The following DMD variants were observed in gnomAD, a reference collection of about 807,000 sequenced individuals.
DMD encodes the protein mutant dystrophin.
In DMD, 63 loss-of-function variants were observed where a neutral mutation model predicts 330.1. That is an observed-to-expected ratio of 0.19 (90% CI 0.16 to 0.24). The LOEUF (loss-of-function observed/expected upper bound fraction) is 0.24, where lower values mean the gene tolerates loss of function less well. DMD is among the 10% of genes least tolerant of loss of function. The pLI, the probability that DMD is intolerant of heterozygous loss-of-function variation, is 1.00. For missense variants in DMD, 3,344 were observed against 2,684.1 expected, an observed-to-expected ratio of 1.25 and a Z score of -5.43; for synonymous variants, 1,223 against 959.8, an observed-to-expected ratio of 1.27 and a Z score of -5.07.
At position 32,815,520 on chromosome X, in the gene DMD, T is replaced by TATAC; in HGVS notation, c.530+947_530+948insGTAT. Among the ~76,000 whole-genome samples, 158 of 78,910 alleles carry TATAC rather than the reference T, an allele frequency of 2.0e-3. 3 individuals are homozygous for TATAC. The highest frequency in any genetic ancestry group is 0.011 in the East Asian group (29 of 2,670). 68.5% of individuals were successfully genotyped at this position (78,910 alleles called of 115,157 possible). On this transcript the variant is annotated intron_variant, in intron 6 of 78. Coordinates refer to ENST00000357033, the MANE Select transcript of DMD (RefSeq NM_004006.3). ...ATATATATATATATATATATATATA[T>TATAC]ACACACACACACACACATATATATA...
chrX:32,061,712 C>T (rs1398864975), intron 44 of DMD, among the ~76,000 whole-genome samples: 1 of 111,168 alleles, frequency 9.0e-6, no homozygotes, highest in Non-Finnish European at 1.9e-5. Context: ...TGTAATAGGT[C>T]TTTTGTTTTT....
At position 32,391,006 on chromosome X, in the gene DMD, T is replaced by C. The variant is rs188618422; in HGVS notation, c.4234-825A>G. 9.4e-4 allele frequency among the ~76,000 whole-genome samples: 106 copies of C among 112,236 alleles called. 1 individual carries two copies. The highest frequency in any genetic ancestry group is 2.9e-3 in the African/African-American group (91 of 30,914). On this transcript the variant is annotated intron_variant, in intron 30 of 78. Coordinates refer to ENST00000357033, the MANE Select transcript of DMD (RefSeq NM_004006.3). ...TATAAAACATTTCAATATTTATATATTCAATAAAGACATTTTCGATCAAGT... is the reference window on the plus strand; with the variant it reads ...TATAAAACATTTCAATATTTATATACTCAATAAAGACATTTTCGATCAAGT...
At chrX:31,226,173 T>C (rs950396968) in intron 63 of DMD, among the ~76,000 whole-genome samples, 1 of 112,044 alleles carries the variant, frequency 8.9e-6, no homozygotes, top group African/African-American at 3.2e-5. Flanking sequence ...GAATCAATAT[T>C]TTACTAAGAG....
chrX:31,214,059 C>CCTTGGCTGGGTTGG (rs61441664), intron 64 of DMD, among the ~76,000 whole-genome samples: 2 of 109,317 alleles, frequency 1.8e-5, no homozygotes, highest in Non-Finnish European at 3.8e-5. Flanking sequence ...AAAAAAAAAT[C>CCTTGGCTGGGTTGG]CAAAAGCTAA....
chrX:32,330,794 G>T (rs766724638), intron 41 of DMD, among the ~76,000 whole-genome samples: 2 of 111,324 alleles, frequency 1.8e-5, no homozygotes, highest in African/African-American at 3.3e-5. Flanking sequence ...TACCAATTCA[G>T]TGTATTCAAA....
At chrX:32,837,312 G>A (rs1306297544) in intron 4 of DMD, among the ~76,000 whole-genome samples, 1 of 111,851 alleles carries the variant, frequency 8.9e-6, no homozygotes, top group Non-Finnish European at 1.9e-5. Context: ...CTTCTGGTTA[G>A]ACTAAACTAA....
At chrX:33,152,838 A>G (rs1304306835) in intron 1 of DMD, among the ~76,000 whole-genome samples, 1 of 111,862 alleles carries the variant, frequency 8.9e-6, no homozygotes, top group Non-Finnish European at 1.9e-5. Context: ...TTTTCCTCCA[A>G]TAGACAGTCA....
intron 16 of DMD, among the ~76,000 whole-genome samples, chrX:32,555,764 C>A (rs758800247): frequency 8.3e-4 from 93 of 111,441 alleles, no homozygotes; most frequent in Middle Eastern, 4.6e-3. Flanking sequence ...CTGGGATAGT[C>A]CTATGCAGAA....
intron 2 of DMD, among the ~76,000 whole-genome samples, chrX:33,005,305 T>C: frequency 1.3e-5 from 1 of 78,548 alleles, no homozygotes. Flanking sequence ...CGCATATATA[T>C]ATATAATATG....
In DMD at chrX:32,744,997, A is replaced by G. The variant is rs185358519; in HGVS notation, c.650-45704T>C. Among the ~76,000 whole-genome samples the G allele has an allele frequency of 1.2e-3, 139 of 111,450 alleles. 1 individual carries two copies. Among genetic ancestry groups the G allele is most frequent in the African/African-American group, 4.4e-3 (134 of 30,683 alleles). ...ACACAATCTTACACTTCACTGTTTC[A>G]CGCAGCTATGATACCTACACAACAA... is the stretch of plus-strand genomic sequence containing the variant. On this transcript the variant is annotated intron_variant, in intron 7 of 78. Coordinates refer to ENST00000357033, the MANE Select transcript of DMD (RefSeq NM_004006.3).
intron 30 of DMD, among the ~76,000 whole-genome samples, chrX:32,405,031 G>A (rs1049391489): frequency 8.9e-5 from 10 of 111,761 alleles, no homozygotes; most frequent in Non-Finnish European, 1.3e-4. Context: ...CCATTGAAAC[G>A]TTGACACAGT....
At chrX:32,664,220 A>G (rs965933003) in intron 9 of DMD, among the ~76,000 whole-genome samples, 2 of 108,060 alleles carry the variant, frequency 1.9e-5, no homozygotes, top group Non-Finnish European at 3.8e-5. Context: ...ATACCTGGTT[A>G]AGGTGGACCT....
chrX:32,386,510 A>G, intron 32 of DMD, 45 bp from the exon 33 acceptor site: 1 of 1,055,029 alleles, frequency 9.5e-7, no homozygotes, highest in Non-Finnish European at 1.3e-6. Context: ...GTAGAGTTAA[A>G]TTATTTCATA....
intron 25 of DMD, among the ~76,000 whole-genome samples, chrX:32,457,709 T>G (rs1398754827): frequency 4.9e-5 from 1 of 20,292 alleles, no homozygotes; most frequent in African/African-American, 2.2e-4. Flanking sequence ...AGAAGCTAGT[T>G]TTTTGCAGAA....
At chrX:32,194,146 C>G (rs1231841762) in intron 44 of DMD, among the ~76,000 whole-genome samples, 1 of 112,326 alleles carries the variant, frequency 8.9e-6, no homozygotes, top group Non-Finnish European at 1.9e-5. Flanking sequence ...TCATTTGAAT[C>G]AAATCTTTAA....
intron 1 of DMD, among the ~76,000 whole-genome samples, chrX:33,045,210 T>C (rs1296044112): frequency 9.1e-6 from 1 of 109,997 alleles, no homozygotes; most frequent in Non-Finnish European, 1.9e-5. Context: ...CCTGAGGCAA[T>C]AGGATTAGTT....
At chrX:32,495,392 T>G (rs1306032058) in intron 19 of DMD, among the ~76,000 whole-genome samples, 1 of 111,836 alleles carries the variant, frequency 8.9e-6, no homozygotes, top group Admixed American at 9.6e-5. Context: ...CAATGTACAC[T>G]GAAGCCAAAA....
rs747262903 is a variant in DMD, at chrX:32,390,119, C to T, written c.4296G>A (p.Gln1432=). The T allele has an allele frequency of 3.3e-6, 4 of 1,209,220 alleles. No individual in the cohort carries two copies. The African/African-American group carries it at 5.2e-5, about 16-fold the overall frequency. The change falls in exon 31 of 79, where the codon CAG becomes CAA. Residue 1432 remains glutamine (Q), a synonymous_variant. Transcript: ENST00000357033. The part of the protein sequence containing the change: ...ISLEEMKKHN[Q]GKEAAQRVLS... ...GGACTCTTTGGGCAGCCTCCTTCCC[C>T]TGATTATGTTTCTTCATTTCTTCTA...
chrX:33,305,143 A>G (rs1182222056), intron 1 of DMD, among the ~76,000 whole-genome samples: 16 of 108,190 alleles, frequency 1.5e-4, no homozygotes, highest in Non-Finnish European at 3.8e-5. Flanking sequence ...CACTATTCAC[A>G]ATAGCAAAGA....
Sources: allele counts gnomAD v4.1 joint callset (sites outside exome capture counted in the v4.1 genomes callset), GRCh38; gene constraint gnomAD v4.1.1; transcripts MANE v1.5; gene names NCBI Gene and HGNC (gene_info 2026-07-23, HGNC 2026-07-21).